The following TENM1 variants were observed in gnomAD, a reference collection of about 807,000 sequenced individuals.
TENM1 encodes the protein teneurin-1.
Under a neutral mutation model 174.8 loss-of-function variants are expected in TENM1, and 35 were observed. That is an observed-to-expected ratio of 0.20 (90% CI 0.15 to 0.27). The LOEUF (loss-of-function observed/expected upper bound fraction) is 0.27, where lower values mean the gene tolerates loss of function less well. Among genes scored for constraint, TENM1 ranks in the 10% least tolerant of loss-of-function variants. The pLI is 1.00. For synonymous variants in TENM1, 781 were observed against 798.7 expected (o/e 0.98, Z 0.37); for missense variants, 1,633 against 2,130.1 (o/e 0.77, Z 4.59).
chrX:125,090,033 C>A, the TENM1 span, among the ~76,000 whole-genome samples: 3 of 111,590 alleles, frequency 2.7e-5, no homozygotes, highest in Non-Finnish European at 5.6e-5. Flanking sequence ...AAAGCCTCAG[C>A]TAGTGTGTGA....
At chrX:124,664,539 A>AAAAAAAAAAAAAAAAAAAC in intron 6 of TENM1, among the ~76,000 whole-genome samples, 1 of 100,717 alleles carries the variant, frequency 9.9e-6, no homozygotes, top group East Asian at 2.9e-4. Context: ...AAAGAAAAAA[A>AAAAAAAAAAAAAAAAAAAC]AAAAAAAAAA....
the TENM1 span, among the ~76,000 whole-genome samples, chrX:125,158,180 A>G: frequency 9.1e-6 from 1 of 109,915 alleles, no homozygotes; most frequent in Non-Finnish European, 1.9e-5. Flanking sequence ...CGAGGTGGGC[A>G]GATCACGAGG....
chrX:124,978,003 AG>A, the TENM1 span, among the ~76,000 whole-genome samples: 25 of 98,464 alleles, frequency 2.5e-4, no homozygotes, highest in African/African-American at 1.0e-3. Flanking sequence ...AGAGAGAGAG[AG>A]AGAGAGAGAG....
the TENM1 span, among the ~76,000 whole-genome samples, chrX:125,123,742 C>G: frequency 8.9e-6 from 1 of 112,661 alleles, no homozygotes; most frequent in Non-Finnish European, 1.9e-5. Context: ...AAACACAATG[C>G]TTTAAATTCT....
chrX:124,688,772 C>T (rs1014737716), intron 5 of TENM1: 28 of 111,707 alleles, frequency 2.5e-4, no homozygotes, highest in African/African-American at 9.1e-4. Context: ...ATGCATTGAG[C>T]ACAGTTCTTG....
chrX:124,776,647 A>T, intron 3 of TENM1, among the ~76,000 whole-genome samples: 1 of 112,301 alleles, frequency 8.9e-6, no homozygotes, highest in East Asian at 2.8e-4. Context: ...ATGAGTAAAT[A>T]TTAAATAACA....
intron 22 of TENM1, among the ~76,000 whole-genome samples, chrX:124,466,079 A>C (rs1229470494): frequency 9.0e-6 from 1 of 111,618 alleles, no homozygotes; most frequent in Non-Finnish European, 1.9e-5. Flanking sequence ...CAGTAAAATA[A>C]ATATATTTAA....
chrX:124,849,954 C>T (rs1361407759), intron 3 of TENM1, among the ~76,000 whole-genome samples: 1 of 111,612 alleles, frequency 9.0e-6, no homozygotes, highest in Non-Finnish European at 1.9e-5. Flanking sequence ...TAGGCATCAT[C>T]CTATACATTT....
At chrX:124,503,700 G>A in exon 19 of TENM1, 2 of 1,190,975 alleles carry the variant, frequency 1.7e-6, no homozygotes, top group South Asian at 3.8e-5. Flanking sequence ...ATATCCCACA[G>A]ATACTGCAAA....
intron 10 of TENM1, 117 bp downstream of exon 13, chrX:124,645,026 G>A: frequency 1.0e-5 from 7 of 672,361 alleles, no homozygotes; most frequent in Middle Eastern, 6.3e-4. Context: ...GTACTAAGAC[G>A]CTGAGCATTT....
intron 19 of TENM1, among the ~76,000 whole-genome samples, chrX:124,500,240 T>C (rs1269697566): frequency 1.8e-5 from 2 of 112,210 alleles, no homozygotes; most frequent in African/African-American, 3.2e-5. Flanking sequence ...TGACCATTTC[T>C]GTTTAAAGCT....
chrX:124,810,548 A>G (rs1010155640), intron 3 of TENM1, among the ~76,000 whole-genome samples: 7 of 112,070 alleles, frequency 6.2e-5, no homozygotes, highest in African/African-American at 2.3e-4. Context: ...AAGAAATGGA[A>G]GACACAAACA....
chrX:124,550,455 C>T lies in TENM1; in HGVS notation c.2435-3365G>A, dbSNP rs371805521. Among the ~76,000 whole-genome samples the T allele has an allele frequency of 2.8e-3, 310 of 112,044 alleles. 1 individual carries two copies. Among genetic ancestry groups the T allele is most frequent in the African/African-American group, 9.2e-3 (283 of 30,850 alleles). On this transcript the variant is annotated intron_variant, in intron 14 of 31. Coordinates refer to ENST00000422452, the Ensembl canonical transcript of TENM1. ...ATTTGCCAGGCACTAGGTACATCCACGTATATTATCTCAACAAATCCCTTC... is the reference window on the plus strand; with the variant it reads ...ATTTGCCAGGCACTAGGTACATCCATGTATATTATCTCAACAAATCCCTTC...
chrX:124,918,748 TAC>T (rs2057971928), intron 1 of TENM1, among the ~76,000 whole-genome samples: 1 of 111,474 alleles, frequency 9.0e-6, no homozygotes, highest in Admixed American at 9.5e-5. Context: ...CACTTAAAGA[TAC>T]AGTCATCACA....
chrX:124,672,548 G>A (rs932471994), intron 5 of TENM1, among the ~76,000 whole-genome samples: 3 of 111,282 alleles, frequency 2.7e-5, no homozygotes, highest in African/African-American at 6.5e-5. Flanking sequence ...TTTATTAAAT[G>A]AACTTAAAAT....
the TENM1 span, among the ~76,000 whole-genome samples, chrX:125,056,102 GA>G: frequency 0.012 from 1,213 of 102,804 alleles, 12 homozygotes; most frequent in African/African-American, 0.039. Flanking sequence ...GTTGCAGAAT[GA>G]AAAAAAAAAC....
At chrX:124,466,383 C>T (rs988960385) in intron 22 of TENM1, among the ~76,000 whole-genome samples, 9 of 112,110 alleles carry the variant, frequency 8.0e-5, no homozygotes, top group Non-Finnish European at 1.3e-4. Context: ...TACTTCCAGA[C>T]GCCATTGTTA....
chrX:124,610,887 A>G (rs1489969821), intron 11 of TENM1, among the ~76,000 whole-genome samples: 1 of 111,620 alleles, frequency 9.0e-6, no homozygotes, highest in Admixed American at 9.5e-5. Context: ...TATGCTTTAT[A>G]GAGTAGGAAA....
chrX:124,395,094 A>T (rs1171034268), intron 27 of TENM1, among the ~76,000 whole-genome samples: 1 of 111,660 alleles, frequency 9.0e-6, no homozygotes, highest in East Asian at 2.8e-4. Context: ...GTATAAATTC[A>T]TACTCCCATT....
Sources: allele counts gnomAD v4.1 joint callset (sites outside exome capture counted in the v4.1 genomes callset), GRCh38; gene constraint gnomAD v4.1.1; transcripts MANE v1.5; gene names NCBI Gene and HGNC (gene_info 2026-07-23, HGNC 2026-07-21).